Variants in DNAJC1 observed in about 807,000 individuals in gnomAD.
The protein encoded by DNAJC1 is dnaJ homolog subfamily C member 1.
DNAJC1 carries 58 observed loss-of-function variants against 76.6 expected under a neutral mutation model. The observed-to-expected ratio is 0.76, with a 90% CI of 0.61 to 0.94. The LOEUF (loss-of-function observed/expected upper bound fraction) is 0.94, where lower values mean the gene tolerates loss of function less well. Ranked by LOEUF, DNAJC1 falls within the 40% of genes least tolerant of loss-of-function variation. The pLI, the probability that DNAJC1 is intolerant of heterozygous loss-of-function variation, is 0.00. For missense variants in DNAJC1, 689 were observed against 677.3 expected (o/e 1.02, Z -0.19); for synonymous variants, 258 against 267.9 (o/e 0.96, Z 0.36).
intron 8 of DNAJC1, among the ~76,000 whole-genome samples, chr10:21,837,030 C>A (rs2131674581): frequency 6.6e-6 from 1 of 152,364 alleles, no homozygotes; most frequent in South Asian, 2.1e-4. Flanking sequence ...CCTGCCTCAG[C>A]CTGCCGAGTG....
At chr10:21,760,728 T>C (rs773872445) in intron 10 of DNAJC1, among the ~76,000 whole-genome samples, 23 of 152,362 alleles carry the variant, frequency 1.5e-4, no homozygotes, top group African/African-American at 5.3e-4. Flanking sequence ...GTGGCTACCA[T>C]ATTAGACAGC....
chr10:21,994,623 C>A (rs1838384335), intron 1 of DNAJC1, among the ~76,000 whole-genome samples: 1 of 151,996 alleles, frequency 6.6e-6, no homozygotes, highest in South Asian at 2.1e-4. Flanking sequence ...CCCGTCTCCA[C>A]TAAAAATACA....
chr10:21,859,980 C>T (rs1469331164), intron 8 of DNAJC1, among the ~76,000 whole-genome samples: 1 of 151,858 alleles, frequency 6.6e-6, no homozygotes, highest in Non-Finnish European at 1.5e-5. Flanking sequence ...GATGGGGTTT[C>T]GCAATGTTGG....
chr10:22,003,425 G>A lies in DNAJC1; in HGVS notation c.10C>T (p.Pro4Ser). The change falls in exon 1 of 12, where the codon CCT (proline) becomes TCT (serine). Residue 4 changes from proline to serine, a missense_variant. Physicochemically the swap from Pro to Ser is moderately conservative, Grantham distance 74 (BLOSUM62 -1). Coordinates refer to ENST00000376980, the MANE Select transcript of DNAJC1 (RefSeq NM_022365.4). MTA[P>S]CSQPAQLPGR... ...GGAAGCTGCGCCGGCTGGGAGCAAGGAGCCGTCATCGCGCTGGGCTCGGAA... is the reference window on the plus strand; with the variant it reads ...GGAAGCTGCGCCGGCTGGGAGCAAGAAGCCGTCATCGCGCTGGGCTCGGAA... 1.5e-6 allele frequency: 2 copies of A among 1,366,312 alleles called. No homozygotes were observed. The highest frequency in any genetic ancestry group is 1.9e-6 in the Non-Finnish European group (2 of 1,062,232). The allele number at this position is 1,366,312 out of a possible 1,614,324, so 84.6% of individuals were successfully genotyped here. A position where few individuals can be genotyped will look rare whatever the true frequency, so the allele number is the denominator to read the frequency against.
At chr10:21,770,232 A>G (rs1272408126) in intron 9 of DNAJC1, among the ~76,000 whole-genome samples, 1 of 152,158 alleles carries the variant, frequency 6.6e-6, no homozygotes, top group South Asian at 2.1e-4. Flanking sequence ...ACAGGTCCCT[A>G]ACTTAATAGT....
At chr10:21,823,972 C>T (rs981333878) in intron 8 of DNAJC1, among the ~76,000 whole-genome samples, 3 of 152,106 alleles carry the variant, frequency 2.0e-5, no homozygotes, top group Non-Finnish European at 2.9e-5. Flanking sequence ...AAACTAGATA[C>T]AATAAATGTA....
intron 8 of DNAJC1, among the ~76,000 whole-genome samples, chr10:21,810,160 G>T (rs1301001519): frequency 6.6e-6 from 1 of 152,070 alleles, no homozygotes; most frequent in Non-Finnish European, 1.5e-5. Flanking sequence ...GTTCAGAATA[G>T]GCAGGACACA....
At chr10:21,836,433 A>C (rs1297447395) in intron 8 of DNAJC1, among the ~76,000 whole-genome samples, 3 of 152,294 alleles carry the variant, frequency 2.0e-5, no homozygotes, top group East Asian at 3.9e-4. Context: ...CGAGCAACAT[A>C]ACCAGCTAAC....
intron 6 of DNAJC1, among the ~76,000 whole-genome samples, chr10:21,908,188 ATATATATTATATATATAAAATATATAT>A (rs1564823956): frequency 9.8e-6 from 1 of 102,404 alleles, no homozygotes; most frequent in Non-Finnish European, 1.8e-5. Flanking sequence ...ATATATAAAA[ATATATATTATATATATAAAATATATAT>A]TATATATAAT....
chr10:21,942,248 A>G (rs1015120216), intron 1 of DNAJC1, among the ~76,000 whole-genome samples: 9 of 152,320 alleles, frequency 5.9e-5, no homozygotes, highest in African/African-American at 1.2e-4. Context: ...AAGAGTGGTA[A>G]TAAGTAATGA....
chr10:21,830,107 A>T (rs1280810295), intron 8 of DNAJC1, among the ~76,000 whole-genome samples: 1 of 152,080 alleles, frequency 6.6e-6, no homozygotes. Context: ...AGTTTGTTTT[A>T]CCTTGCTCTA....
At chr10:21,910,806 CAAGAA>C (rs1157342653) in intron 6 of DNAJC1, among the ~76,000 whole-genome samples, 2 of 100,702 alleles carry the variant, frequency 2.0e-5, no homozygotes, top group African/African-American at 8.4e-5. Flanking sequence ...TAGCCCAGAA[CAAGAA>C]AAGAAAGGAA....
intron 8 of DNAJC1, among the ~76,000 whole-genome samples, chr10:21,837,079 A>T (rs1367841456): frequency 1.3e-5 from 2 of 152,090 alleles, no homozygotes; most frequent in Admixed American, 6.5e-5. Context: ...CCTGACTGGT[A>T]TTCGTATTTT....
intron 7 of DNAJC1, among the ~76,000 whole-genome samples, chr10:21,891,585 T>C (rs1836464444): frequency 6.6e-6 from 1 of 151,976 alleles, no homozygotes; most frequent in Non-Finnish European, 1.5e-5. Flanking sequence ...AGACCTTATC[T>C]GTAGTAGAAG....
chr10:21,878,331 C>T (rs1207732945), intron 8 of DNAJC1, among the ~76,000 whole-genome samples: 2 of 152,204 alleles, frequency 1.3e-5, no homozygotes, highest in Non-Finnish European at 1.5e-5. Context: ...ACTTGCAACA[C>T]ATGAGCCTAC....
At chr10:21,831,397 C>T (rs1835354740) in intron 8 of DNAJC1, among the ~76,000 whole-genome samples, 1 of 152,206 alleles carries the variant, frequency 6.6e-6, no homozygotes, top group Non-Finnish European at 1.5e-5. Context: ...TCTGCTAATA[C>T]TCTGGTTTTG....
At chr10:21,761,378 G>A (rs1377122917) in intron 10 of DNAJC1, among the ~76,000 whole-genome samples, 2 of 152,058 alleles carry the variant, frequency 1.3e-5, no homozygotes, top group African/African-American at 4.8e-5. Context: ...TGGCCAACAT[G>A]GTGAAACCCT....
At chr10:21,778,187 T>C (rs145768015) in intron 9 of DNAJC1, among the ~76,000 whole-genome samples, 5,655 of 151,840 alleles carry the variant, frequency 0.037, 179 homozygotes, top group African/African-American at 0.076. Context: ...GAGTGAGACT[T>C]CATCTCAAAA....
In DNAJC1 at chr10:21,794,744, T is replaced by C. The variant is rs961130559; in HGVS notation, c.1098+11236A>G. Among the ~76,000 whole-genome samples the C allele has an allele frequency of 3.9e-5, 6 of 152,146 alleles. No homozygotes were observed. In the South Asian group the frequency reaches 6.2e-4, roughly 16 times the overall value. Reference sequence around the variant, plus strand: ...GGACTTTACTAAAAGTAAACTTTTGTACTTCATATGACACCATTAAAAAAA... The same window carrying C: ...GGACTTTACTAAAAGTAAACTTTTGCACTTCATATGACACCATTAAAAAAA... On this transcript the variant is annotated intron_variant, in intron 9 of 11. Transcript: ENST00000376980.
Sources: gnomAD v4.1 joint callset for allele counts (sites outside exome capture counted in the v4.1 genomes callset) on GRCh38, gnomAD v4.1.1 for gene constraint, MANE v1.5 for transcripts, NCBI Gene and HGNC (gene_info 2026-07-23, HGNC 2026-07-21) for gene names.